Variants in FNIP1 observed in about 807,000 individuals in gnomAD.
FNIP1 encodes folliculin interacting protein 1, also known as folliculin-interacting protein 1.
Under a neutral mutation model 124.5 loss-of-function variants are expected in FNIP1, and 40 were observed. That is an observed-to-expected ratio of 0.32 (90% CI 0.25 to 0.42). The LOEUF (loss-of-function observed/expected upper bound fraction) is 0.42, where lower values mean the gene tolerates loss of function less well. Ranked by LOEUF, FNIP1 falls within the 10% of genes least tolerant of loss-of-function variation. FNIP1 has a pLI of 1.00. For missense variants in FNIP1, 1,176 were observed against 1,403.7 expected (o/e 0.84, Z 2.59); for synonymous variants, 472 against 470.6 (o/e 1.00, Z -0.04).
chr5:131,704,467 CAG>C (rs911492236), intron 9 of FNIP1, among the ~76,000 whole-genome samples: 1 of 152,092 alleles, frequency 6.6e-6, no homozygotes, highest in Non-Finnish European at 1.5e-5. Context: ...AATTTTACTA[CAG>C]AGTCAGATTG....
At chr5:131,728,171 C>T (rs1032940421) in intron 3 of FNIP1, among the ~76,000 whole-genome samples, 5 of 152,140 alleles carry the variant, frequency 3.3e-5, no homozygotes, top group East Asian at 1.9e-4. Context: ...TTGCTCTTCT[C>T]GAGCAGTATC....
intron 11 of FNIP1, among the ~76,000 whole-genome samples, chr5:131,692,004 ATAGCTAGG>A (rs1376103332): frequency 3.3e-5 from 5 of 152,310 alleles, no homozygotes; most frequent in African/African-American, 1.2e-4. Context: ...ACTGGAAGTT[ATAGCTAGG>A]GCTGTAAGAA....
chr5:131,789,937 T>C (rs1772348815), intron 1 of FNIP1, among the ~76,000 whole-genome samples: 1 of 152,250 alleles, frequency 6.6e-6, no homozygotes, highest in Non-Finnish European at 1.5e-5. Flanking sequence ...CAAACTCATA[T>C]CTGCAATCCC....
At chr5:131,678,953 A>C in intron 12 of FNIP1, 76 bp downstream of exon 12, 1 of 982,202 alleles carries the variant, frequency 1.0e-6, no homozygotes, top group South Asian at 1.7e-5. Flanking sequence ...TTCCAAAGAT[A>C]ATGGATGATT....
rs76942141 is a variant in FNIP1, at chr5:131,720,527, A to G, written c.355-1110T>C. 9.6e-3 allele frequency among the ~76,000 whole-genome samples: 1,458 copies of G among 152,322 alleles called. 27 individuals carry two copies. Among genetic ancestry groups the G allele is most frequent in the African/African-American group, 0.033 (1,387 of 41,562 alleles). On this transcript the variant is annotated intron_variant, in intron 3 of 17. Transcript: ENST00000510461. ...TCAAACTAAAATGTTTCTGCACAGCAAAGAAAATAATCAAGAGGGCAAAAA... is the reference window on the plus strand; with the variant it reads ...TCAAACTAAAATGTTTCTGCACAGCGAAGAAAATAATCAAGAGGGCAAAAA...
At chr5:131,651,368 A>G (rs896471621) in intron 16 of FNIP1, among the ~76,000 whole-genome samples, 30 of 152,228 alleles carry the variant, frequency 2.0e-4, no homozygotes, top group African/African-American at 7.0e-4. Context: ...GCTCCAACCC[A>G]GGTGATGGGA....
intron 2 of FNIP1, among the ~76,000 whole-genome samples, chr5:131,739,447 T>G (rs1285300116): frequency 6.6e-6 from 1 of 152,222 alleles, no homozygotes; most frequent in Admixed American, 6.5e-5. Context: ...ATACCAAAAT[T>G]CCTGAACGTA....
intron 15 of FNIP1, among the ~76,000 whole-genome samples, chr5:131,652,913 A>G (rs1423563403): frequency 2.0e-5 from 3 of 152,108 alleles, no homozygotes; most frequent in Non-Finnish European, 4.4e-5. Context: ...GCAGTGATCT[A>G]AAACTGTGCC....
At chr5:131,718,767 C>T (rs1484029909) in intron 5 of FNIP1, among the ~76,000 whole-genome samples, 1 of 152,192 alleles carries the variant, frequency 6.6e-6, no homozygotes, top group Non-Finnish European at 1.5e-5. Flanking sequence ...CAACATTCTA[C>T]TTCCAGATAC....
intron 1 of FNIP1, among the ~76,000 whole-genome samples, chr5:131,747,935 T>A (rs1340031191): frequency 2.0e-5 from 3 of 151,972 alleles, no homozygotes; most frequent in African/African-American, 7.3e-5. Flanking sequence ...AGTGAAAGCA[T>A]TAGCTCAAAG....
At chr5:131,753,002 G>A (rs780790334) in intron 1 of FNIP1, among the ~76,000 whole-genome samples, 18 of 152,218 alleles carry the variant, frequency 1.2e-4, no homozygotes, top group Non-Finnish European at 2.2e-4. Context: ...AACTCGGGAG[G>A]TGGAGGTTGC....
chr5:131,698,921 A>G lies in FNIP1; in HGVS notation c.1198T>C (p.Phe400Leu). Residue 400 changes from phenylalanine to leucine, a missense_variant, in exon 11 of 18, where the codon TTC (phenylalanine) becomes CTC (leucine). Physicochemically the swap from Phe to Leu is conservative, Grantham distance 22 (BLOSUM62 0). Coordinates refer to ENST00000510461, the MANE Select transcript of FNIP1 (RefSeq NM_133372.3). ...YNRIVDALNE[F>L]RTTICNLYTM... Reference sequence around the variant, plus strand: ...GGAAAGCTGGGCAATATGTACCTGAATTCATTTAGGGCATCAACTATTCGA... The same window carrying G: ...GGAAAGCTGGGCAATATGTACCTGAGTTCATTTAGGGCATCAACTATTCGA... 6.2e-7 allele frequency: 1 copy of G among 1,606,374 alleles called. No individual in the cohort carries two copies.
intron 6 of FNIP1, among the ~76,000 whole-genome samples, chr5:131,713,218 T>C (rs1167310480): frequency 6.6e-6 from 1 of 152,144 alleles, no homozygotes; most frequent in African/African-American, 2.4e-5. Flanking sequence ...TAATTTTCTT[T>C]TGTGTTTTAC....
At chr5:131,692,502 C>T (rs1433008328) in intron 11 of FNIP1, among the ~76,000 whole-genome samples, 1 of 152,090 alleles carries the variant, frequency 6.6e-6, no homozygotes. Flanking sequence ...AGATTCAACA[C>T]AATCCCAATG....
At chr5:131,673,053 T>C (rs913515807) in intron 13 of FNIP1, 129 bp from the exon 14 acceptor site, 1 of 515,738 alleles carries the variant, frequency 1.9e-6, no homozygotes, top group Non-Finnish European at 3.0e-6. Flanking sequence ...GTTTTTTTGT[T>C]TTTTTTTTTT....
chr5:131,747,935 T>C (rs1340031191), intron 1 of FNIP1, among the ~76,000 whole-genome samples: 1 of 151,972 alleles, frequency 6.6e-6, no homozygotes, highest in Admixed American at 6.6e-5. Context: ...AGTGAAAGCA[T>C]TAGCTCAAAG....
At chr5:131,790,149 C>T (rs1038467911) in intron 1 of FNIP1, among the ~76,000 whole-genome samples, 1 of 152,116 alleles carries the variant, frequency 6.6e-6, no homozygotes, top group Non-Finnish European at 1.5e-5. Context: ...ACTGGCACAA[C>T]AATGTGAACT....
chr5:131,781,559 T>G (rs1771997507), intron 1 of FNIP1, among the ~76,000 whole-genome samples: 1 of 152,226 alleles, frequency 6.6e-6, no homozygotes, highest in Non-Finnish European at 1.5e-5. Flanking sequence ...TTACTTTGCC[T>G]ATTCTCTATA....
At chr5:131,680,521 G>A (rs931284092) in intron 11 of FNIP1, among the ~76,000 whole-genome samples, 1 of 152,160 alleles carries the variant, frequency 6.6e-6, no homozygotes, top group Non-Finnish European at 1.5e-5. Flanking sequence ...GTCCAGATAC[G>A]ATGGAAAATT....
Sources: gnomAD v4.1 joint callset for allele counts (sites outside exome capture counted in the v4.1 genomes callset) on GRCh38, gnomAD v4.1.1 for gene constraint, MANE v1.5 for transcripts, NCBI Gene and HGNC (gene_info 2026-07-23, HGNC 2026-07-21) for gene names.